The following IGSF3 variants were observed in gnomAD, a reference collection of about 807,000 sequenced individuals.
The protein encoded by IGSF3 is immunoglobulin superfamily member 3.
A neutral mutation model predicts 114.4 loss-of-function variants in IGSF3; 23 were observed. The observed-to-expected ratio is 0.20, with a 90% CI of 0.14 to 0.28. The LOEUF is 0.28. Among genes scored for constraint, IGSF3 ranks in the 10% least tolerant of loss-of-function variants. The pLI, the probability that IGSF3 is intolerant of heterozygous loss-of-function variation, is 1.00. For synonymous variants in IGSF3, 571 were observed against 645.2 expected, an observed-to-expected ratio of 0.88 and a Z score of 1.74; for missense variants, 1,172 against 1,591.5, an observed-to-expected ratio of 0.74 and a Z score of 4.48.
Position 116,625,605 on chromosome 1 carries a change from C to G in IGSF3, c.44-9148G>C, listed in dbSNP as rs1317179994. ...AGATTTACGCTTTCGAATTATCACT[C>G]TGGTGGCAGGTGGAGGACAGAGCAG... On this transcript the variant is annotated intron_variant, in intron 2 of 10. Transcript: ENST00000369486. The surrounding 1 kb of genome is among the most constrained non-coding windows in gnomAD (Gnocchi z 4.7). Among the ~76,000 whole-genome samples the G allele has an allele frequency of 6.6e-6, 1 of 152,218 alleles. No individual in the cohort carries two copies. The highest frequency in any genetic ancestry group is 1.5e-5 in the Non-Finnish European group (1 of 68,048).
chr1:116,616,609 A>G lies in IGSF3; in HGVS notation c.44-152T>C. The G allele has an allele frequency of 1.6e-6, 1 of 613,978 alleles. No homozygotes were observed. Among genetic ancestry groups the G allele is most frequent in the Non-Finnish European group, 2.8e-6 (1 of 358,696 alleles). The allele number at this position is 613,978 out of a possible 1,614,324, so 38.0% of individuals were successfully genotyped here. On this transcript the variant is annotated intron_variant, in intron 2 of 10. Transcript: ENST00000369486. The surrounding 1 kb of genome is among the most constrained non-coding windows in gnomAD (Gnocchi z 6.6). Reference sequence around the variant, plus strand: ...CTTTCAAAGGCGCTTTGTGATTTATAAATATTAATTAAAACACTCTGTGGT... The same window carrying G: ...CTTTCAAAGGCGCTTTGTGATTTATGAATATTAATTAAAACACTCTGTGGT...
rs969279636 is a variant in IGSF3, at chr1:116,603,256, C to A, written c.1624+368G>T. On this transcript the variant is annotated intron_variant, in intron 6 of 10. Coordinates refer to ENST00000369486, the MANE Select transcript of IGSF3 (RefSeq NM_001007237.3). The surrounding 1 kb of genome is among the most constrained non-coding windows in gnomAD (Gnocchi z 7.1). ...CCACTCTGCTCTCTTTAAGGCCAGG[C>A]TGGCAGTGGCCATGCTCCTCCACCT... 2.6e-5 allele frequency among the ~76,000 whole-genome samples: 4 copies of A among 152,220 alleles called. No homozygotes were observed. The highest frequency in any genetic ancestry group is 4.4e-5 in the Non-Finnish European group (3 of 68,032).
chr1:116,615,640 G>A lies in IGSF3; in HGVS notation c.421+440C>T, dbSNP rs570320650. Reference sequence around the variant, plus strand: ...AGGACCTTCAATGTACAAGGTCTGAGCAAGGACCCACAGCCACATGTGCTT... The same window carrying A: ...AGGACCTTCAATGTACAAGGTCTGAACAAGGACCCACAGCCACATGTGCTT... On this transcript the variant is annotated intron_variant, in intron 3 of 10. Coordinates refer to ENST00000369486, the MANE Select transcript of IGSF3 (RefSeq NM_001007237.3). This position sits in a 1 kb window ranked among gnomAD's most constrained non-coding sequence, Gnocchi z 4.3. Among the ~76,000 whole-genome samples, 1 of 151,772 alleles carries A rather than the reference G, an allele frequency of 6.6e-6. No individual in the cohort carries two copies. Among genetic ancestry groups the A allele is most frequent in the African/African-American group, 2.4e-5 (1 of 41,470 alleles).
chr1:116,654,834 T>G lies in IGSF3; in HGVS notation c.43+11450A>C, dbSNP rs1390430046. On this transcript the variant is annotated intron_variant, in intron 2 of 10. Transcript: ENST00000369486. The surrounding 1 kb of genome is among the most constrained non-coding windows in gnomAD (Gnocchi z 4.4). ...CAGGACTTGGGATATTTGTGTATTTTCAAGAATAAAAGTTTGCCCTTTAGC... is the reference window on the plus strand; with the variant it reads ...CAGGACTTGGGATATTTGTGTATTTGCAAGAATAAAAGTTTGCCCTTTAGC... Among the ~76,000 whole-genome samples the G allele has an allele frequency of 6.6e-6, 1 of 152,152 alleles. No homozygotes were observed.
intron 10 of IGSF3, among the ~76,000 whole-genome samples, chr1:116,578,651 ATCTT>A (rs769393298): frequency 6.6e-6 from 1 of 152,152 alleles, no homozygotes. Context: ...AATTCCAGCA[ATCTT>A]TTTTTTCTTT....
intron 7 of IGSF3, among the ~76,000 whole-genome samples, chr1:116,590,294 T>C (rs1158801874): frequency 6.6e-6 from 1 of 151,816 alleles, no homozygotes; most frequent in African/African-American, 2.4e-5. Context: ...GGAAGGTGAT[T>C]TGAGATCTCA....
rs1013909060 is a variant in IGSF3, at chr1:116,624,801, G to A, written c.44-8344C>T. On this transcript the variant is annotated intron_variant, in intron 2 of 10. Transcript: ENST00000369486. This position sits in a 1 kb window ranked among gnomAD's most constrained non-coding sequence, Gnocchi z 4.9. ...TGAACCACCACATAAGACAGCCAAC[G>A]GTCCTGAGGCCATGCTGTGAGGGGG... Among the ~76,000 whole-genome samples the A allele has an allele frequency of 6.6e-6, 1 of 152,172 alleles. No homozygotes were observed. Among genetic ancestry groups the A allele is most frequent in the African/African-American group, 2.4e-5 (1 of 41,432 alleles).
rs1660002871 is a variant in IGSF3 at position 116,589,530 on chromosome 1, ACT to A, written c.2030-428_2030-427del. Among the ~76,000 whole-genome samples the A allele has an allele frequency of 6.6e-6, 1 of 151,524 alleles. No individual in the cohort carries two copies. The highest frequency in any genetic ancestry group is 2.1e-4 in the South Asian group (1 of 4,782). ...CAAGTGTCCTGACTCATCTCTCACG[ACT>A]CACCCTCAGGCACCCTCCACAGGCG... On this transcript the variant is annotated intron_variant, in intron 7 of 10. Coordinates refer to ENST00000369486, the MANE Select transcript of IGSF3 (RefSeq NM_001007237.3). The surrounding 1 kb of genome is among the most constrained non-coding windows in gnomAD (Gnocchi z 5.7).
chr1:116,608,980 C>G (rs1660907480), intron 4 of IGSF3, among the ~76,000 whole-genome samples: 1 of 152,098 alleles, frequency 6.6e-6, no homozygotes, highest in South Asian at 2.1e-4. Flanking sequence ...GATCAAATCT[C>G]TAGTCAGATT....
chr1:116,624,023 G>C lies in IGSF3; in HGVS notation c.44-7566C>G, dbSNP rs551677835. On this transcript the variant is annotated intron_variant, in intron 2 of 10. Coordinates refer to ENST00000369486, the MANE Select transcript of IGSF3 (RefSeq NM_001007237.3). The surrounding 1 kb of genome is among the most constrained non-coding windows in gnomAD (Gnocchi z 4.9). Reference sequence around the variant, plus strand: ...AATCGCTTGAACCCAGCAGGTGGAGGTTGCAGTGAGCCGAGATCATGTCAT... The same window carrying C: ...AATCGCTTGAACCCAGCAGGTGGAGCTTGCAGTGAGCCGAGATCATGTCAT... Among the ~76,000 whole-genome samples, 2 of 146,886 alleles carry C rather than the reference G, an allele frequency of 1.4e-5. No homozygotes were observed. The highest frequency in any genetic ancestry group is 3.0e-5 in the Non-Finnish European group (2 of 67,282).
chr1:116,640,611 A>T (rs1571182951), intron 2 of IGSF3, among the ~76,000 whole-genome samples: 1 of 152,192 alleles, frequency 6.6e-6, no homozygotes, highest in African/African-American at 2.4e-5. Flanking sequence ...GACATATGTC[A>T]CTCCAGGGCA....
intron 2 of IGSF3, among the ~76,000 whole-genome samples, chr1:116,652,350 A>T (rs1328098296): frequency 6.6e-6 from 1 of 152,242 alleles, no homozygotes; most frequent in African/African-American, 2.4e-5. Context: ...GCATTCTATT[A>T]GCCTAGTTTG....
chr1:116,579,772 C>T lies in IGSF3; in HGVS notation c.2954G>A (p.Arg985His), dbSNP rs374600687. Reference sequence around the variant, plus strand: ...CAGGGAATACCAGGCCACAGCGAAGCGGGAGTCCTGGCTGGAGCGGGACAC... The same window carrying T: ...CAGGGAATACCAGGCCACAGCGAAGTGGGAGTCCTGGCTGGAGCGGGACAC... ...SIVSRSSQDSRFAVAWYSLRT... is the reference protein window; with the variant it reads ...SIVSRSSQDSHFAVAWYSLRT... Residue 985 changes from arginine (R) to histidine (H), a missense_variant, in exon 10 of 11, where the codon CGC (arginine) becomes CAC (histidine). Around this residue, in one of 3 missense-constraint regions of IGSF3, gnomAD observed 423 missense variants for 509.8 expected, o/e 0.83. Transcript: ENST00000369486. This position sits in a 1 kb window ranked among gnomAD's most constrained non-coding sequence, Gnocchi z 6.4. 2.9e-5 allele frequency: 47 copies of T among 1,614,016 alleles called. No homozygotes were observed. The highest frequency in any genetic ancestry group is 2.6e-5 in the Non-Finnish European group (31 of 1,180,034).
intron 2 of IGSF3, among the ~76,000 whole-genome samples, chr1:116,656,293 C>CTTTTTTTTTTT (rs56148691): frequency 1.6e-5 from 1 of 62,438 alleles, no homozygotes; most frequent in African/African-American, 6.6e-5. Flanking sequence ...TTTCTACATT[C>CTTTTTTTTTTT]TTTTTTTTTT....
chr1:116,620,929 C>T (rs374049723), intron 2 of IGSF3, among the ~76,000 whole-genome samples: 10 of 152,232 alleles, frequency 6.6e-5, no homozygotes, highest in South Asian at 2.1e-4. Flanking sequence ...CTTATAGAGA[C>T]GGGATGATAT....
chr1:116,599,630 A>C (rs1660487774), intron 7 of IGSF3, among the ~76,000 whole-genome samples: 1 of 152,152 alleles, frequency 6.6e-6, no homozygotes, highest in South Asian at 2.1e-4. Flanking sequence ...GGTTCTTAGG[A>C]GTTACATGCT....
intron 2 of IGSF3, among the ~76,000 whole-genome samples, chr1:116,620,941 G>A (rs1378983507): frequency 6.6e-6 from 1 of 152,126 alleles, no homozygotes; most frequent in Non-Finnish European, 1.5e-5. Context: ...GGATGATATG[G>A]TTGGGGTCTC....
chr1:116,613,918 T>C lies in IGSF3; in HGVS notation c.679A>G (p.Thr227Ala). ...TGGAAGATGGTGAGGCGGAAGGTGG[T>C]CCTCCCCAGCTTGTCCAGCCGCACC... ...GEVRLDKLGR[T>A]TFRLTIFHLQ... Residue 227 changes from threonine (T) to alanine (A), a missense_variant, in exon 4 of 11, where the codon ACC becomes GCC. Physicochemically the swap from Thr to Ala is moderately conservative, Grantham distance 58. This residue lies in a region of IGSF3 where 736 missense variants were observed against 1,042.0 expected (regional missense o/e 0.71). Transcript: ENST00000369486. 6.2e-7 allele frequency: 1 copy of C among 1,613,720 alleles called. No homozygotes were observed. Among genetic ancestry groups the C allele is most frequent in the Non-Finnish European group, 8.5e-7 (1 of 1,179,818 alleles).
rs1179495226 is a variant in IGSF3 at position 116,610,943 on chromosome 1, C to T, written c.833-2612G>A. ...AATGCTGCCACAAATGCAAAAGTCC[C>T]GCATGTCCTCATTATTGTTCCTTCC... On this transcript the variant is annotated intron_variant, in intron 4 of 10. Transcript: ENST00000369486. This position sits in a 1 kb window ranked among gnomAD's most constrained non-coding sequence, Gnocchi z 4.3. 6.6e-6 allele frequency among the ~76,000 whole-genome samples: 1 copy of T among 152,170 alleles called. No individual in the cohort carries two copies. Among genetic ancestry groups the T allele is most frequent in the East Asian group, 1.9e-4 (1 of 5,188 alleles).
Sources: gnomAD v4.1 joint callset for allele counts (sites outside exome capture counted in the v4.1 genomes callset) on GRCh38, gnomAD v4.1.1 for gene constraint, gnomAD v4.1.1 regional missense constraint, Gnocchi (gnomAD v3.1) non-coding constraint, MANE v1.5 for transcripts, NCBI Gene and HGNC (gene_info 2026-07-23, HGNC 2026-07-21) for gene names.